Variants in KIAA1671 observed in about 807,000 individuals in gnomAD.
KIAA1671 encodes KIAA1671, also known as uncharacterized protein KIAA1671.
In KIAA1671, 52 loss-of-function variants were observed where a neutral mutation model predicts 131.2. The ratio of observed to expected loss-of-function variants is 0.40; its 90% CI spans 0.32 to 0.50. The LOEUF (loss-of-function observed/expected upper bound fraction) is 0.50. Ranked by LOEUF, KIAA1671 falls within the 20% of genes least tolerant of loss-of-function variation. The probability of loss-of-function intolerance (pLI) is 0.73; values close to 1 mark genes in which losing one functional copy is unlikely to be tolerated. For synonymous variants in KIAA1671, 1,003 were observed against 961.6 expected (o/e 1.04, Z -0.80); for missense variants, 2,360 against 2,364.2 (o/e 1.00, Z 0.04).
chr22:25,123,340 G>T (rs966232190), intron 6 of KIAA1671, among the ~76,000 whole-genome samples: 1 of 151,800 alleles, frequency 6.6e-6, no homozygotes, highest in Non-Finnish European at 1.5e-5. Context: ...TTACAGGTAC[G>T]TGCCAACACA....
At chr22:24,959,387 A>C (rs921113602) in intron 1 of KIAA1671, among the ~76,000 whole-genome samples, 2 of 151,714 alleles carry the variant, frequency 1.3e-5, no homozygotes, top group African/African-American at 4.8e-5. Context: ...GCTAGGCGTG[A>C]TGGCAGTTGC....
At chr22:24,979,366 T>C (rs989584113) in intron 1 of KIAA1671, among the ~76,000 whole-genome samples, 5 of 149,646 alleles carry the variant, frequency 3.3e-5, no homozygotes, top group Non-Finnish European at 7.4e-5. Flanking sequence ...TTATTTTTTT[T>C]TGAGACGGAG....
intron 1 of KIAA1671, among the ~76,000 whole-genome samples, chr22:25,000,207 T>TAAA (rs1569202495): frequency 7.2e-5 from 6 of 83,246 alleles, no homozygotes; most frequent in African/African-American, 1.9e-4. Context: ...TTTTTTTTTT[T>TAAA]TTTTGAGACG....
At chr22:25,131,814 C>T (rs113871053) in intron 6 of KIAA1671, among the ~76,000 whole-genome samples, 42 of 152,356 alleles carry the variant, frequency 2.8e-4, no homozygotes, top group Middle Eastern at 3.4e-3. Flanking sequence ...TGCCATCTGC[C>T]GGCTGGGTGG....
intron 6 of KIAA1671, among the ~76,000 whole-genome samples, chr22:25,093,893 G>C (rs1316909533): frequency 3.6e-5 from 2 of 56,224 alleles, no homozygotes; most frequent in African/African-American, 7.5e-5. Context: ...TCTCCCTTCT[G>C]CTTCTGCTTC....
At chr22:25,074,778 T>C (rs1929019275) in intron 6 of KIAA1671, among the ~76,000 whole-genome samples, 1 of 152,174 alleles carries the variant, frequency 6.6e-6, no homozygotes, top group South Asian at 2.1e-4. Context: ...TCCATTCATC[T>C]GCAACTGGAC....
At chr22:25,108,780 C>T (rs1441150380) in intron 6 of KIAA1671, among the ~76,000 whole-genome samples, 1 of 152,154 alleles carries the variant, frequency 6.6e-6, no homozygotes, top group Non-Finnish European at 1.5e-5. Flanking sequence ...TCTGTGATGT[C>T]TATGGGCCAG....
At chr22:24,970,233 C>T (rs768999407) in intron 1 of KIAA1671, among the ~76,000 whole-genome samples, 32 of 152,166 alleles carry the variant, frequency 2.1e-4, no homozygotes, top group Non-Finnish European at 3.7e-4. Context: ...AGGACAGGCT[C>T]GAGACACCAG....
intron 6 of KIAA1671, among the ~76,000 whole-genome samples, chr22:25,125,816 C>G (rs1007334434): frequency 6.6e-6 from 1 of 152,208 alleles, no homozygotes; most frequent in Non-Finnish European, 1.5e-5. Flanking sequence ...CCCTGCCAGT[C>G]CTTAAGTAAC....
intron 6 of KIAA1671, among the ~76,000 whole-genome samples, chr22:25,145,229 A>G (rs1174976273): frequency 6.6e-6 from 1 of 152,196 alleles, no homozygotes; most frequent in Non-Finnish European, 1.5e-5. Flanking sequence ...GAGGAAGAAT[A>G]AAAAATACCA....
intron 1 of KIAA1671, among the ~76,000 whole-genome samples, chr22:25,016,586 G>A (rs1925337342): frequency 6.6e-6 from 1 of 152,110 alleles, no homozygotes; most frequent in South Asian, 2.1e-4. Flanking sequence ...AGAGGAGGTG[G>A]GACAAAAACT....
At chr22:25,020,337 G>C (rs958515099) in intron 1 of KIAA1671, among the ~76,000 whole-genome samples, 3 of 152,142 alleles carry the variant, frequency 2.0e-5, no homozygotes, top group Admixed American at 1.3e-4. Context: ...CTCTTGATGT[G>C]GGTCTCAAAA....
chr22:25,188,909 G>T (rs1934567262), intron 11 of KIAA1671, among the ~76,000 whole-genome samples: 1 of 152,082 alleles, frequency 6.6e-6, no homozygotes, highest in South Asian at 2.1e-4. Flanking sequence ...AAACTGTGTT[G>T]TTCAAGGGTC....
chr22:25,166,325 A>C (rs969397967), intron 6 of KIAA1671, among the ~76,000 whole-genome samples: 1 of 152,046 alleles, frequency 6.6e-6, no homozygotes, highest in African/African-American at 2.4e-5. Context: ...AGATCCCTGA[A>C]CCTGAATCCC....
At chr22:25,083,352 T>C (rs868127317) in intron 6 of KIAA1671, among the ~76,000 whole-genome samples, 1 of 152,180 alleles carries the variant, frequency 6.6e-6, no homozygotes, top group Non-Finnish European at 1.5e-5. Flanking sequence ...TTAAACCTAA[T>C]CACAACTTTA....
chr22:25,086,498 C>G lies in KIAA1671; in HGVS notation c.4530+37134C>G, dbSNP rs142487529. ...AATGTATCTCGTTCATCTTTTCCCT[C>G]AGATCCTAATGCAGGGCCAGGCATA... On this transcript the variant is annotated intron_variant, in intron 6 of 12. Transcript: ENST00000358431. Among the ~76,000 whole-genome samples the G allele has an allele frequency of 3.5e-4, 53 of 152,328 alleles. No homozygotes were observed. The East Asian group carries it at 9.1e-3, about 26-fold the overall frequency.
chr22:25,183,663 C>T (rs1418296085), intron 10 of KIAA1671, among the ~76,000 whole-genome samples: 2 of 152,120 alleles, frequency 1.3e-5, no homozygotes, highest in African/African-American at 4.8e-5. Flanking sequence ...GCTGGGACTA[C>T]AGGCGCCGGC....
intron 6 of KIAA1671, among the ~76,000 whole-genome samples, chr22:25,110,642 A>G (rs1398260184): frequency 6.6e-6 from 1 of 151,910 alleles, no homozygotes; most frequent in African/African-American, 2.4e-5. Context: ...CCTTCTAACA[A>G]CCCCTGACAT....
chr22:25,179,416 C>T, intron 9 of KIAA1671: 3 of 1,612,852 alleles, frequency 1.9e-6, no homozygotes, highest in South Asian at 1.1e-5. Context: ...TCGCGGATCT[C>T]CTTGCTGAGC....
Sources: gnomAD v4.1 joint callset for allele counts (sites outside exome capture counted in the v4.1 genomes callset) on GRCh38, gnomAD v4.1.1 for gene constraint, MANE v1.5 for transcripts, NCBI Gene and HGNC (gene_info 2026-07-23, HGNC 2026-07-21) for gene names.